TARBP1: variants seen among roughly 807,000 people sequenced by gnomAD.
The protein encoded by TARBP1 is tRNA guanosine 2 -O-methyltransferase TARBP1, also known as tRNA (guanosine(18)-2'-O)-methyltransferase TARBP1.
Under a neutral mutation model 178.6 loss-of-function variants are expected in TARBP1, and 144 were observed. The observed-to-expected ratio is 0.81, with a 90% CI of 0.70 to 0.93. The LOEUF (loss-of-function observed/expected upper bound fraction) is 0.93. TARBP1 is among the 40% of genes least tolerant of loss of function. The pLI is 0.00. For missense variants in TARBP1, 2,067 were observed against 2,011.7 expected (o/e 1.03, Z -0.53); for synonymous variants, 787 against 781.0 (o/e 1.01, Z -0.13).
At chr1:234,469,851 G>A (rs921303891) in intron 3 of TARBP1, among the ~76,000 whole-genome samples, 7 of 152,140 alleles carry the variant, frequency 4.6e-5, no homozygotes, top group African/African-American at 9.7e-5. Flanking sequence ...ATTATATCCC[G>A]GAATTTTCTC....
chr1:234,395,341 G>T (rs1473310565), intron 26 of TARBP1, among the ~76,000 whole-genome samples: 1 of 152,196 alleles, frequency 6.6e-6, no homozygotes, highest in Non-Finnish European at 1.5e-5. Flanking sequence ...GCTATGTGGA[G>T]GCTAGAAAAC....
chr1:234,431,027 T>C (rs553224940), intron 14 of TARBP1, among the ~76,000 whole-genome samples: 95 of 152,338 alleles, frequency 6.2e-4, no homozygotes, highest in African/African-American at 2.1e-3. Flanking sequence ...CAAGACAACC[T>C]GGTCTATACT....
chr1:234,453,969 G>A (rs1229393080), intron 9 of TARBP1, among the ~76,000 whole-genome samples: 1 of 152,188 alleles, frequency 6.6e-6, no homozygotes, highest in Non-Finnish European at 1.5e-5. Context: ...GATGAAAACA[G>A]ACACTGATGC....
At position 234,429,490 on chromosome 1, in the gene TARBP1, G is replaced by A. The variant is rs1664164037; in HGVS notation, c.2797C>T (p.Leu933=). Residue 933 remains leucine (L), a synonymous_variant, in exon 16 of 30, where the codon CTA becomes TTA. Coordinates refer to ENST00000040877, the MANE Select transcript of TARBP1 (RefSeq NM_005646.4). ...QMPIRTLQSA[L]EALTVLSSDQ... ...GAAGAAAGAACTGTGAGGGCTTCTA[G>A]TGCAGACTGCAAAGTCCTTATTGGC... 1 of 1,614,108 alleles carries A rather than the reference G, an allele frequency of 6.2e-7. No homozygotes were observed. Among genetic ancestry groups the A allele is most frequent in the African/African-American group, 1.3e-5 (1 of 74,930 alleles).
At chr1:234,461,008 A>G (rs190301007) in intron 6 of TARBP1, among the ~76,000 whole-genome samples, 1 of 152,298 alleles carries the variant, frequency 6.6e-6, no homozygotes, top group Admixed American at 6.5e-5. Flanking sequence ...GACAAAGAGG[A>G]TCAGTGGCTG....
At position 234,467,529 on chromosome 1, in the gene TARBP1, A is replaced by C; in HGVS notation, c.1221T>G (p.Ile407Met). Residue 407 changes from isoleucine (I) to methionine (M), a missense_variant, in exon 4 of 30, where the codon ATT (isoleucine) becomes ATG (methionine). Ile to Met is a conservative substitution (Grantham distance 10). Coordinates refer to ENST00000040877, the MANE Select transcript of TARBP1 (RefSeq NM_005646.4). ...IHFLELYETK[I>M]LPFSPEFSEF... ...CAGAAAATTCTGGTGAAAATGGAAG[A>C]ATCTTTGTTTCATACAGCTCCAAAA... 1.3e-6 allele frequency: 2 copies of C among 1,593,794 alleles called. No homozygotes were observed. The highest frequency in any genetic ancestry group is 1.7e-6 in the Non-Finnish European group (2 of 1,173,806).
intron 8 of TARBP1, among the ~76,000 whole-genome samples, chr1:234,458,018 A>C (rs1430577012): frequency 6.6e-6 from 1 of 152,010 alleles, no homozygotes; most frequent in African/African-American, 2.4e-5. Context: ...AAAAAAAAAA[A>C]AACACCATTC....
chr1:234,418,654 G>A (rs1662703235), intron 21 of TARBP1, among the ~76,000 whole-genome samples: 2 of 152,210 alleles, frequency 1.3e-5, no homozygotes, highest in East Asian at 1.9e-4. Flanking sequence ...TCCCAGAGGG[G>A]CAGGTCTTGG....
In TARBP1 at chr1:234,460,250, G is replaced by C; in HGVS notation, c.1535+11C>G. ...AAATAACCATACAAGTACATATACA[G>C]AGTAAATTACCTGAGAGCAAGAAGC... On this transcript the variant is annotated intron_variant, in intron 7 of 29. Coordinates refer to ENST00000040877, the MANE Select transcript of TARBP1 (RefSeq NM_005646.4). 1.2e-6 allele frequency: 2 copies of C among 1,611,620 alleles called. No individual in the cohort carries two copies. Among genetic ancestry groups the C allele is most frequent in the South Asian group, 2.2e-5 (2 of 90,280 alleles).
chr1:234,455,723 C>T (rs1667202930), intron 9 of TARBP1, among the ~76,000 whole-genome samples: 1 of 151,962 alleles, frequency 6.6e-6, no homozygotes, highest in Non-Finnish European at 1.5e-5. Flanking sequence ...CACGTAAATT[C>T]ATTACCCATT....
intron 13 of TARBP1, among the ~76,000 whole-genome samples, chr1:234,435,626 CCCAATTT>C (rs1391126131): frequency 6.6e-6 from 1 of 152,136 alleles, no homozygotes; most frequent in Non-Finnish European, 1.5e-5. Flanking sequence ...CGGATGAAAT[CCCAATTT>C]CCTTACTCTC....
intron 19 of TARBP1, among the ~76,000 whole-genome samples, 164 bp from the exon 20 acceptor site, chr1:234,425,957 C>T (rs956964833): frequency 1.3e-5 from 2 of 152,082 alleles, no homozygotes; most frequent in African/African-American, 2.4e-5. Context: ...GAATAGATAA[C>T]AGAAGATAAC....
At chr1:234,447,859 T>C (rs1439088801) in intron 11 of TARBP1, among the ~76,000 whole-genome samples, 2 of 152,218 alleles carry the variant, frequency 1.3e-5, no homozygotes, top group Non-Finnish European at 2.9e-5. Flanking sequence ...CCTAAACTTA[T>C]ACTGGAATCT....
intron 9 of TARBP1, among the ~76,000 whole-genome samples, chr1:234,451,211 T>G (rs1445407813): frequency 6.6e-6 from 1 of 152,244 alleles, no homozygotes; most frequent in Admixed American, 6.5e-5. Context: ...ACAACTCATC[T>G]TTGGTCACGT....
rs77775518 is a variant in TARBP1 at position 234,409,984 on chromosome 1, G to A, written c.3792+461C>T. Among the ~76,000 whole-genome samples the A allele has an allele frequency of 3.8e-4, 58 of 152,308 alleles. 1 individual carries two copies. The East Asian group carries it at 9.9e-3, about 26-fold the overall frequency. Reference sequence around the variant, plus strand: ...TAAACCTGAGGAACATGAAGTAACTGTACTGCACACTCCAAATGATGACAG... The same window carrying A: ...TAAACCTGAGGAACATGAAGTAACTATACTGCACACTCCAAATGATGACAG... On this transcript the variant is annotated intron_variant, in intron 23 of 29. Transcript: ENST00000040877.
rs1274537201 is a variant in TARBP1, at chr1:234,471,267, A to G, written c.1030-10T>C. ...GCTTTATAACATGTATCTAAAAATA[A>G]GAGCAAAAAAATCATATGAAATGAA... On this transcript the variant is annotated splice_polypyrimidine_tract_variant and intron_variant, in intron 2 of 29. Transcript: ENST00000040877. 9.0e-6 allele frequency: 14 copies of G among 1,547,280 alleles called. No individual in the cohort carries two copies. Among genetic ancestry groups the G allele is most frequent in the African/African-American group, 4.1e-5 (3 of 72,300 alleles).
At position 234,433,413 on chromosome 1, in the gene TARBP1, T is replaced by A; in HGVS notation, c.2391A>T (p.Gly797=). The change falls in exon 14 of 30, where the codon GGA becomes GGT. Residue 797 remains glycine, a synonymous_variant. Transcript: ENST00000040877. ...ACCTTGAATCAAAGAGGCTTACCTG[T>A]CCACTGTCCATCTCTTGAAGATGCT... is the stretch of plus-strand genomic sequence containing the variant. ...SIQHLQEMDS[G]QEPTVGSQIQ... 1 of 1,613,736 alleles carries A rather than the reference T, an allele frequency of 6.2e-7. No individual in the cohort carries two copies. Among genetic ancestry groups the A allele is most frequent in the Non-Finnish European group, 8.5e-7 (1 of 1,179,926 alleles).
rs772457334 is a variant in TARBP1, at chr1:234,467,528, G to T, written c.1222C>A (p.Leu408Ile). Residue 408 changes from leucine (L) to isoleucine (I), a missense_variant, in exon 4 of 30, where the codon CTT (leucine) becomes ATT (isoleucine). Coordinates refer to ENST00000040877, the MANE Select transcript of TARBP1 (RefSeq NM_005646.4). ...TCAGAAAATTCTGGTGAAAATGGAA[G>T]AATCTTTGTTTCATACAGCTCCAAA... is the stretch of plus-strand genomic sequence containing the variant. ...HFLELYETKI[L>I]PFSPEFSEFI... The T allele has an allele frequency of 7.5e-6, 12 of 1,592,850 alleles. No individual in the cohort carries two copies. The Admixed American group carries it at 2.2e-4, about 29-fold the overall frequency.
At chr1:234,445,681 T>C (rs1302868378) in intron 12 of TARBP1, among the ~76,000 whole-genome samples, 1 of 152,194 alleles carries the variant, frequency 6.6e-6, no homozygotes, top group African/African-American at 2.4e-5. Flanking sequence ...TTTTCTAAAA[T>C]TCATGGACGT....
Sources: allele counts gnomAD v4.1 joint callset (sites outside exome capture counted in the v4.1 genomes callset), GRCh38; gene constraint gnomAD v4.1.1; transcripts MANE v1.5; gene names NCBI Gene and HGNC (gene_info 2026-07-23, HGNC 2026-07-21).